The following MCCC1 variants were observed in gnomAD, a reference collection of about 807,000 sequenced individuals.
The protein encoded by MCCC1 is methylcrotonoyl-CoA carboxylase subunit alpha, mitochondrial.
Under a neutral mutation model 83.8 loss-of-function variants are expected in MCCC1, and 64 were observed. The observed-to-expected ratio is 0.76, with a 90% CI of 0.62 to 0.94. The LOEUF is 0.94. MCCC1 is among the 40% of genes least tolerant of loss of function. The pLI is 0.00. For synonymous variants in MCCC1, 322 were observed against 315.4 expected (o/e 1.02, Z -0.22); for missense variants, 807 against 904.7 (o/e 0.89, Z 1.39).
At chr3:183,102,301 T>C (rs1385435925), upstream of MCCC1, among the ~76,000 whole-genome samples, 4 of 152,080 alleles carry the variant, frequency 2.6e-5, no homozygotes, top group Non-Finnish European at 5.9e-5. Flanking sequence ...AGTTTGAAGC[T>C]GCAATGAGCT....
intron 16 of MCCC1, 32 bp from the exon 17 acceptor site, chr3:183,020,269 C>G: frequency 6.7e-7 from 1 of 1,496,046 alleles, no homozygotes; most frequent in Non-Finnish European, 9.3e-7. Flanking sequence ...AAAACCGAAT[C>G]AACATCCTAT....
At position 183,041,625 on chromosome 3, in the gene MCCC1, C is replaced by T. The variant is rs1016870729; in HGVS notation, c.1209G>A (p.Val403=). ...NNFMPVAGPL[V]HLSTPRADPS... is the part of the protein sequence containing the mutation. ...GGTCTGCTCGAGGAGTAGAGAGGTG[C>T]ACTAATGGGCCTGCCACAGGCATGA... Residue 403 remains valine (V), a synonymous_variant, in exon 11 of 19, where the codon GTG becomes GTA. Coordinates refer to ENST00000265594, the MANE Select transcript of MCCC1 (RefSeq NM_020166.5). 1.2e-6 allele frequency: 2 copies of T among 1,614,186 alleles called. No individual in the cohort carries two copies. Among genetic ancestry groups the T allele is most frequent in the East Asian group, 2.2e-5 (1 of 44,874 alleles).
At position 183,071,195 on chromosome 3, in the gene MCCC1, C is replaced by T; in HGVS notation, c.639+15G>A. ...ACAAGCCTGAATTGGCAAACACAAG[C>T]ATGCACAATCTTACTTTTCCTCCTC... On this transcript the variant is annotated intron_variant, in intron 6 of 18. Transcript: ENST00000265594. 1 of 1,614,104 alleles carries T rather than the reference C, an allele frequency of 6.2e-7. No individual in the cohort carries two copies. Among genetic ancestry groups the T allele is most frequent in the Non-Finnish European group, 8.5e-7 (1 of 1,179,972 alleles).
chr3:183,025,477 C>T (rs898704755), intron 15 of MCCC1, among the ~76,000 whole-genome samples: 1 of 152,156 alleles, frequency 6.6e-6, no homozygotes, highest in Admixed American at 6.5e-5. Flanking sequence ...AATACAGGCA[C>T]ACACTTTAGG....
At chr3:183,023,089 T>A (rs970940977) in intron 15 of MCCC1, among the ~76,000 whole-genome samples, 5 of 152,140 alleles carry the variant, frequency 3.3e-5, no homozygotes, top group Admixed American at 2.6e-4. Flanking sequence ...TAGCTGGAGA[T>A]TGGCCATAAT....
intron 3 of MCCC1, chr3:183,090,882 C>T: frequency 2.4e-6 from 1 of 424,392 alleles, no homozygotes; most frequent in Admixed American, 2.6e-5. Context: ...GCCACTGCGC[C>T]CAGCCGGGAA....
At chr3:183,058,015 G>A (rs7649701) in intron 7 of MCCC1, among the ~76,000 whole-genome samples, 141,770 of 151,704 alleles carry the variant, frequency 0.93, 66,287 homozygotes, top group East Asian at 1. Context: ...ATGAATGAAT[G>A]AATAAATATT....
intron 4 of MCCC1, among the ~76,000 whole-genome samples, chr3:183,073,827 G>A (rs2108530769): frequency 6.6e-6 from 1 of 152,282 alleles, no homozygotes; most frequent in South Asian, 2.1e-4. Context: ...TTTAGCATAA[G>A]TGAATTGCCA....
At chr3:183,038,179 T>C (rs1713783845) in intron 12 of MCCC1, among the ~76,000 whole-genome samples, 1 of 152,142 alleles carries the variant, frequency 6.6e-6, no homozygotes, top group Non-Finnish European at 1.5e-5. Context: ...AGTAACAATA[T>C]CTGTAAACAG....
At chr3:183,103,326 TTC>T (rs1444410015), upstream of MCCC1, among the ~76,000 whole-genome samples, 2 of 152,096 alleles carry the variant, frequency 1.3e-5, no homozygotes, top group African/African-American at 4.8e-5. Context: ...CCTGCTTTTA[TTC>T]TCTTATCTGG....
At chr3:183,053,805 A>AAAAAAAAAAC in intron 8 of MCCC1, among the ~76,000 whole-genome samples, 1 of 133,534 alleles carries the variant, frequency 7.5e-6, no homozygotes, top group East Asian at 2.0e-4. Flanking sequence ...GCTCTGTCTC[A>AAAAAAAAAAC]AAAAAAAAAC....
intron 3 of MCCC1, 108 bp from the exon 4 acceptor site, chr3:183,086,896 T>A: frequency 1.0e-6 from 1 of 981,550 alleles, no homozygotes; most frequent in Non-Finnish European, 1.6e-6. Context: ...AAAATGCCAC[T>A]CCCTCAAGAA....
At chr3:183,099,739 C>T (rs1719034686), upstream of MCCC1, among the ~76,000 whole-genome samples, 1 of 152,212 alleles carries the variant, frequency 6.6e-6, no homozygotes, top group Admixed American at 6.5e-5. Flanking sequence ...CTCCATCCTC[C>T]CCCTCTTGGT....
Position 183,107,535 on chromosome 3 carries a change from T to TATTATTATTATTA in MCCC1, c.-102+7938_-102+7939insTAATAATAATAAT, listed in dbSNP as rs1553872789. Among the ~76,000 whole-genome samples the TATTATTATTATTA allele has an allele frequency of 1.2e-3, 181 of 149,338 alleles. 2 individuals are homozygous for TATTATTATTATTA. The highest frequency in any genetic ancestry group is 4.3e-3 in the African/African-American group (174 of 40,656). ...TTATTATTATTATTATTATTATTAT[T>TATTATTATTATTA]TGTTGTTGTTGTTGTTGTTGTTGTT... is the stretch of plus-strand genomic sequence containing the variant. On this transcript the variant is annotated intron_variant, in intron 1 of 17. Transcript: ENST00000492597.
chr3:183,097,739 A>G (rs1718843825), intron 1 of MCCC1, among the ~76,000 whole-genome samples: 2 of 152,172 alleles, frequency 1.3e-5, no homozygotes, highest in Admixed American at 6.5e-5. Flanking sequence ...TAACAACTCT[A>G]ACACTCTCCA....
rs569668533 is a variant in MCCC1 at position 183,114,939 on chromosome 3, C to T, written c.-102+535G>A. Among the ~76,000 whole-genome samples the T allele has an allele frequency of 5.3e-5, 8 of 152,242 alleles. No homozygotes were observed. The South Asian group carries it at 1.7e-3, about 32-fold the overall frequency. On this transcript the variant is annotated intron_variant, in intron 1 of 17. Coordinates refer to the MCCC1 transcript ENST00000492597. ...CTGCAAACCAAGCTCCTTTGGATGC[C>T]CCTCTACCTTGCCAGTTGTTATGGT...
At chr3:183,031,483 T>C (rs1011185514) in intron 14 of MCCC1, among the ~76,000 whole-genome samples, 4 of 146,660 alleles carry the variant, frequency 2.7e-5, no homozygotes, top group Non-Finnish European at 6.0e-5. Flanking sequence ...CATAAATGCT[T>C]CTGGCACCTT....
intron 4 of MCCC1, among the ~76,000 whole-genome samples, chr3:183,080,306 A>G (rs1220986824): frequency 1.3e-5 from 2 of 152,202 alleles, no homozygotes; most frequent in African/African-American, 4.8e-5. Flanking sequence ...CGTCTCTTGA[A>G]TGCTTTTCTG....
At chr3:183,092,351 AATACTG>A in intron 3 of MCCC1, 52 bp downstream of exon 3, 1 of 1,610,706 alleles carries the variant, frequency 6.2e-7, no homozygotes, top group Admixed American at 1.7e-5. Context: ...AAAGAACGAA[AATACTG>A]ACACAGTAAA....
Sources: gnomAD v4.1 joint callset for allele counts (sites outside exome capture counted in the v4.1 genomes callset) on GRCh38, gnomAD v4.1.1 for gene constraint, MANE v1.5 for transcripts, NCBI Gene and HGNC (gene_info 2026-07-23, HGNC 2026-07-21) for gene names.